The following NWD2 variants were observed in gnomAD, a reference collection of about 807,000 sequenced individuals.
NWD2 encodes the protein NACHT and WD repeat domain containing 2, also known as NACHT and WD repeat domain-containing protein 2.
In NWD2, 37 loss-of-function variants were observed where a neutral mutation model predicts 132.7. The ratio of observed to expected loss-of-function variants is 0.28; its 90% CI spans 0.21 to 0.37. The LOEUF (loss-of-function observed/expected upper bound fraction) is 0.37, where lower values mean the gene tolerates loss of function less well. Ranked by LOEUF, NWD2 falls within the 10% of genes least tolerant of loss-of-function variation. The pLI is 1.00. For synonymous variants in NWD2, 705 were observed against 803.0 expected, an observed-to-expected ratio of 0.88 and a Z score of 2.06; for missense variants, 1,592 against 2,122.4, an observed-to-expected ratio of 0.75 and a Z score of 4.91.
intron 5 of NWD2, among the ~76,000 whole-genome samples, chr4:37,437,452 C>A (rs1220242889): frequency 2.0e-5 from 3 of 152,158 alleles, no homozygotes; most frequent in African/African-American, 4.8e-5. Context: ...GAAACCTAAT[C>A]AGGTTTCAAC....
intron 3 of NWD2, among the ~76,000 whole-genome samples, chr4:37,408,234 C>T (rs1382237562): frequency 8.0e-6 from 1 of 125,310 alleles, no homozygotes; most frequent in Non-Finnish European, 1.9e-5. Context: ...TGGTCTGGCT[C>T]GGCAGGTCCC....
At chr4:37,296,667 A>G (rs1718501561) in intron 1 of NWD2, among the ~76,000 whole-genome samples, 1 of 152,066 alleles carries the variant, frequency 6.6e-6, no homozygotes, top group Non-Finnish European at 1.5e-5. Flanking sequence ...AGAGTGATAT[A>G]ATAGACCTTA....
chr4:37,249,331 G>A (rs1225827622), intron 1 of NWD2, among the ~76,000 whole-genome samples: 1 of 152,218 alleles, frequency 6.6e-6, no homozygotes, highest in African/African-American at 2.4e-5. Context: ...TTTTGGAATT[G>A]CAGGTAAAAG....
At chr4:37,326,390 T>C (rs1308899979) in intron 2 of NWD2, among the ~76,000 whole-genome samples, 1 of 152,184 alleles carries the variant, frequency 6.6e-6, no homozygotes, top group Non-Finnish European at 1.5e-5. Flanking sequence ...CCAACTTTTT[T>C]CAAACTTATT....
chr4:37,301,740 C>T (rs1020714977), intron 1 of NWD2, among the ~76,000 whole-genome samples: 2 of 151,544 alleles, frequency 1.3e-5, no homozygotes, highest in Non-Finnish European at 2.9e-5. Flanking sequence ...AGATTAAGTA[C>T]TTATTTTATA....
At chr4:37,374,793 TG>T (rs1183013873) in intron 3 of NWD2, among the ~76,000 whole-genome samples, 1 of 152,250 alleles carries the variant, frequency 6.6e-6, no homozygotes, top group Non-Finnish European at 1.5e-5. Context: ...TAGCACTGAC[TG>T]CATGCATCTA....
chr4:37,436,190 A>G (rs961927273), intron 5 of NWD2, among the ~76,000 whole-genome samples: 22 of 152,200 alleles, frequency 1.4e-4, no homozygotes, highest in Non-Finnish European at 2.8e-4. Flanking sequence ...CATTACCTTC[A>G]GTGGATGCTC....
At chr4:37,246,437 G>A (rs1482952291) in intron 1 of NWD2, among the ~76,000 whole-genome samples, 1 of 152,188 alleles carries the variant, frequency 6.6e-6, no homozygotes, top group Non-Finnish European at 1.5e-5. Context: ...TTAGAAAGAC[G>A]ATATACTCTT....
intron 1 of NWD2, among the ~76,000 whole-genome samples, chr4:37,287,132 CTG>C (rs1198193149): frequency 3.3e-5 from 5 of 152,332 alleles, no homozygotes; most frequent in East Asian, 3.9e-4. Flanking sequence ...GCCAGGGAAA[CTG>C]TGCTTTTTCC....
chr4:37,381,114 C>A (rs959584610), intron 3 of NWD2, among the ~76,000 whole-genome samples: 1 of 152,168 alleles, frequency 6.6e-6, no homozygotes, highest in African/African-American at 2.4e-5. Flanking sequence ...AAGCCTCCCC[C>A]CAAGCCCTAG....
rs1720095953 is a variant in NWD2, at chr4:37,366,228, A to G, written c.357+9746A>G. Among the ~76,000 whole-genome samples, 6 of 152,276 alleles carry G rather than the reference A, an allele frequency of 3.9e-5. No homozygotes were observed. The South Asian group carries it at 1.0e-3, about 26-fold the overall frequency. Reference sequence around the variant, plus strand: ...TAATATCTTGGTGTACAGGAGACAAAGTCCACTAGAATGTAGCACAAACAT... The same window carrying G: ...TAATATCTTGGTGTACAGGAGACAAGGTCCACTAGAATGTAGCACAAACAT... On this transcript the variant is annotated intron_variant, in intron 3 of 6. Transcript: ENST00000309447.
At chr4:37,338,585 G>A (rs1373290496) in intron 2 of NWD2, among the ~76,000 whole-genome samples, 3 of 152,206 alleles carry the variant, frequency 2.0e-5, no homozygotes, top group Non-Finnish European at 4.4e-5. Flanking sequence ...CTAGTTTTAG[G>A]CAAATAAAGA....
chr4:37,336,871 G>A (rs1036116152), intron 2 of NWD2, among the ~76,000 whole-genome samples: 3 of 150,816 alleles, frequency 2.0e-5, no homozygotes, highest in Admixed American at 6.6e-5. Context: ...ACTGGAAGGC[G>A]GAGGTTGCAG....
chr4:37,320,956 G>A (rs4337742), intron 1 of NWD2, among the ~76,000 whole-genome samples: 78,349 of 151,906 alleles, frequency 0.52, 20,557 homozygotes, highest in Middle Eastern at 0.6. Context: ...TCAGCAGTTC[G>A]AGACCAGCTG....
Position 37,439,000 on chromosome 4 carries a change from G to T in NWD2, c.906G>T (p.Arg302Ser). ...CCCAAGAGAAGCTGATAAAACTCAG[G>T]GATGAATTTATTCCTACTATTGTTG... ...PEAQEKLIKL[R>S]DEFIPTIVAS... is the part of the protein sequence containing the mutation. Residue 302 changes from arginine to serine, a missense_variant, in exon 6 of 7, where the codon AGG (arginine) becomes AGT (serine). Around this residue, in one of 7 missense-constraint regions of NWD2, gnomAD observed 1,071 missense variants for 1,398.0 expected, o/e 0.77. Coordinates refer to ENST00000309447, the MANE Select transcript of NWD2 (RefSeq NM_001144990.2). The T allele has an allele frequency of 6.4e-7, 1 of 1,551,722 alleles. No homozygotes were observed. Among genetic ancestry groups the T allele is most frequent in the Non-Finnish European group, 8.7e-7 (1 of 1,146,992 alleles).
chr4:37,392,127 G>GGAGGCA (rs1323279367), intron 3 of NWD2, among the ~76,000 whole-genome samples: 1 of 152,074 alleles, frequency 6.6e-6, no homozygotes, highest in East Asian at 1.9e-4. Flanking sequence ...CTGGAACCTG[G>GGAGGCA]GAGGCAGAGG....
chr4:37,420,369 C>T (rs1242211316), intron 3 of NWD2, among the ~76,000 whole-genome samples: 1 of 152,188 alleles, frequency 6.6e-6, no homozygotes. Flanking sequence ...CTAATCCATG[C>T]AGGTATCTGA....
Position 37,364,691 on chromosome 4 carries a change from T to TACACACACACACACAC in NWD2, c.357+8228_357+8243dup, listed in dbSNP as rs57981065. On this transcript the variant is annotated intron_variant, in intron 3 of 6. Transcript: ENST00000309447. ...GTCAGAGCAGACTTCTACCTCCACT[T>TACACACACACACACAC]ACACACACACACACACACACACACA... Among the ~76,000 whole-genome samples the TACACACACACACACAC allele has an allele frequency of 1.6e-3, 239 of 146,682 alleles. 1 individual carries two copies. The highest frequency in any genetic ancestry group is 5.6e-3 in the African/African-American group (223 of 39,500).
At chr4:37,382,679 A>AT (rs1483256772) in intron 3 of NWD2, among the ~76,000 whole-genome samples, 1 of 151,588 alleles carries the variant, frequency 6.6e-6, no homozygotes, top group East Asian at 1.9e-4. Context: ...TTTTATTTTT[A>AT]TTTTTTATAT....
Sources: gnomAD v4.1 joint callset for allele counts (sites outside exome capture counted in the v4.1 genomes callset) on GRCh38, gnomAD v4.1.1 for gene constraint, gnomAD v4.1.1 regional missense constraint, MANE v1.5 for transcripts, NCBI Gene and HGNC (gene_info 2026-07-23, HGNC 2026-07-21) for gene names.